NABP1: variants seen among roughly 807,000 people sequenced by gnomAD.
NABP1 encodes the protein SOSS complex subunit B2.
In NABP1, 18 loss-of-function variants were observed where a neutral mutation model predicts 25.0. The observed-to-expected ratio is 0.72, with a 90% confidence interval of 0.50 to 1.07. The LOEUF is 1.07. Among genes scored for constraint, NABP1 ranks in the 50% least tolerant of loss-of-function variants. NABP1 has a pLI of 0.00. For synonymous variants in NABP1, 71 were observed against 85.0 expected (o/e 0.84, Z 0.91); for missense variants, 270 against 255.6 (o/e 1.06, Z -0.39).
chr2:191,681,113 C>T (rs1349582678), intron 2 of NABP1, among the ~76,000 whole-genome samples: 1 of 152,006 alleles, frequency 6.6e-6, no homozygotes, highest in Non-Finnish European at 1.5e-5. Context: ...AATGTTAATG[C>T]ACTGTATCCT....
At position 191,686,392 on chromosome 2, in the gene NABP1, A is replaced by T. The variant is rs1454104990; in HGVS notation, c.*624A>T. ...CAACAAGTAATTTTAAAAGAAAGCT[A>T]CATTTATTTTAGAGTAGTGCTCCTA... On this transcript the variant is annotated 3_prime_UTR_variant, in exon 6 of 6. Coordinates refer to ENST00000425611, the MANE Select transcript of NABP1 (RefSeq NM_001031716.5). The T allele has an allele frequency of 2.6e-5, 4 of 152,230 alleles. No individual in the cohort carries two copies. Among genetic ancestry groups the T allele is most frequent in the South Asian group, 2.1e-4 (1 of 4,832 alleles). The allele number at this position is 152,230 out of a possible 1,614,324, so 9.4% of individuals were successfully genotyped here.
chr2:191,685,949 T>C lies in NABP1; in HGVS notation c.*181T>C, dbSNP rs1264010779. The stretch of plus-strand genomic sequence containing the variant: ...AAACTGTTAAGCTGCTCGAGTCTCC[T>C]GTTGAAGAATGGGAACACTGAAAAG... On this transcript the variant is annotated 3_prime_UTR_variant, in exon 6 of 6. Coordinates refer to ENST00000425611, the MANE Select transcript of NABP1 (RefSeq NM_001031716.5). The C allele has an allele frequency of 1.9e-6, 1 of 539,064 alleles. No homozygotes were observed. Among genetic ancestry groups the C allele is most frequent in the African/African-American group, 2.0e-5 (1 of 51,096 alleles). 33.4% of individuals were successfully genotyped at this position (539,064 alleles called of 1,614,324 possible).
rs1687748006 is a variant in NABP1 at position 191,683,874 on chromosome 2, C to A, written c.378+70C>A. ...GTTATAATTCTATGATTAGGCTAGC[C>A]CTGTTGATACTTAGTATAAAGAAGA... On this transcript the variant is annotated intron_variant, in intron 4 of 5. Transcript: ENST00000425611. This position sits in a 1 kb window ranked among gnomAD's most constrained non-coding sequence, Gnocchi z 4.1. 2 of 1,118,200 alleles carry A rather than the reference C, an allele frequency of 1.8e-6. No individual in the cohort carries two copies. The highest frequency in any genetic ancestry group is 2.6e-6 in the Non-Finnish European group (2 of 760,584). The allele number at this position is 1,118,200 out of a possible 1,614,324, so 69.3% of individuals were successfully genotyped here. A position where few individuals can be genotyped will look rare whatever the true frequency, so the allele number is the denominator to read the frequency against.
chr2:191,678,579 T>C lies in NABP1; in HGVS notation c.-36T>C. 1 of 1,521,702 alleles carries C rather than the reference T, an allele frequency of 6.6e-7. No individual in the cohort carries two copies. The highest frequency in any genetic ancestry group is 9.1e-7 in the Non-Finnish European group (1 of 1,103,064). The allele number at this position is 1,521,702 out of a possible 1,614,324, so 94.3% of individuals were successfully genotyped here. Reference sequence around the variant, plus strand: ...GAAGCTTTGACCCCGCCCTGCCCACTCGCGTCTCCGCAGCCGTAGCCGCGC... The same window carrying C: ...GAAGCTTTGACCCCGCCCTGCCCACCCGCGTCTCCGCAGCCGTAGCCGCGC... On this transcript the variant is annotated 5_prime_UTR_variant, in exon 1 of 6. Coordinates refer to ENST00000425611, the MANE Select transcript of NABP1 (RefSeq NM_001031716.5).
In NABP1 at chr2:191,678,433, T is replaced by C; in HGVS notation, c.-182T>C. On this transcript the variant is annotated 5_prime_UTR_variant, in exon 1 of 6. Transcript: ENST00000425611. Reference sequence around the variant, plus strand: ...TTTTTTTTTTTTTTTTTTTTCTTTTTTTAGGCTCAGTGCTGTCCGGGCTGG... The same window carrying C: ...TTTTTTTTTTTTTTTTTTTTCTTTTCTTAGGCTCAGTGCTGTCCGGGCTGG... 2.8e-6 allele frequency: 1 copy of C among 361,614 alleles called. No homozygotes were observed. Among genetic ancestry groups the C allele is most frequent in the East Asian group, 4.0e-5 (1 of 24,768 alleles). 22.4% of individuals were successfully genotyped at this position (361,614 alleles called of 1,614,324 possible). A position where few individuals can be genotyped will look rare whatever the true frequency, so the allele number is the denominator to read the frequency against.
chr2:191,678,915 C>T (rs1687585852), intron 1 of NABP1, 75 bp from the exon 2 acceptor site: 1 of 1,561,328 alleles, frequency 6.4e-7, no homozygotes, highest in East Asian at 2.4e-5. Context: ...TATTAAAATA[C>T]CGGAGGAGGA....
chr2:191,681,265 C>G (rs1558986022), intron 2 of NABP1, among the ~76,000 whole-genome samples: 1 of 152,002 alleles, frequency 6.6e-6, no homozygotes, highest in African/African-American at 2.4e-5. Flanking sequence ...AGAACCAAAC[C>G]TTGGATTGAT....
At chr2:191,678,754 C>A in intron 1 of NABP1, 49 bp downstream of exon 1, 1 of 1,544,168 alleles carries the variant, frequency 6.5e-7, no homozygotes, top group Non-Finnish European at 8.8e-7. Flanking sequence ...CCTCCCGGGG[C>A]GGGAGACAGG....
intron 2 of NABP1, among the ~76,000 whole-genome samples, chr2:191,681,346 A>G (rs542103112): frequency 6.6e-6 from 1 of 152,298 alleles, no homozygotes; most frequent in East Asian, 1.9e-4. Context: ...TCTGCTTTCA[A>G]AATTGTTCGG....
intron 3 of NABP1, 168 bp downstream of exon 3, chr2:191,682,185 T>G: frequency 4.2e-6 from 2 of 481,228 alleles, no homozygotes; most frequent in Non-Finnish European, 7.5e-6. Flanking sequence ...TTAACACTTG[T>G]CAGTACTGTT....
chr2:191,683,940 T>G lies in NABP1; in HGVS notation c.378+136T>G, dbSNP rs1687748849. ...TACTTAATTTTTATTGTATGTTTTG[T>G]GAGGATATGTATCTGAGGTGTCATC... On this transcript the variant is annotated intron_variant, in intron 4 of 5. Coordinates refer to ENST00000425611, the MANE Select transcript of NABP1 (RefSeq NM_001031716.5). The surrounding 1 kb of genome is among the most constrained non-coding windows in gnomAD (Gnocchi z 4.1). 1 of 763,462 alleles carries G rather than the reference T, an allele frequency of 1.3e-6. No homozygotes were observed. Among genetic ancestry groups the G allele is most frequent in the Non-Finnish European group, 2.1e-6 (1 of 475,248 alleles). The allele number at this position is 763,462 out of a possible 1,614,324, so 47.3% of individuals were successfully genotyped here. A position where few individuals can be genotyped will look rare whatever the true frequency, so the allele number is the denominator to read the frequency against.
rs1260014982 is a variant in NABP1 at position 191,678,397 on chromosome 2, G to A, written c.-218G>A. 2.7e-6 allele frequency: 1 copy of A among 372,638 alleles called. No homozygotes were observed. Among genetic ancestry groups the A allele is most frequent in the African/African-American group, 2.3e-5 (1 of 44,314 alleles). The allele number at this position is 372,638 out of a possible 1,614,324, so 23.1% of individuals were successfully genotyped here. A position where few individuals can be genotyped will look rare whatever the true frequency, so the allele number is the denominator to read the frequency against. On this transcript the variant is annotated 5_prime_UTR_variant, in exon 1 of 6. It adds an upstream start codon to the 5' untranslated region. Coordinates refer to ENST00000425611, the MANE Select transcript of NABP1 (RefSeq NM_001031716.5). ...GTTCGCCTTTTTTTCTTTAGAACTTGTGAGCCTTTTTTTTTTTTTTTTTTT... is the reference window on the plus strand; with the variant it reads ...GTTCGCCTTTTTTTCTTTAGAACTTATGAGCCTTTTTTTTTTTTTTTTTTT...
intron 4 of NABP1, 25 bp from the exon 5 acceptor site, chr2:191,684,205 G>T: frequency 2.9e-6 from 4 of 1,382,890 alleles, no homozygotes; most frequent in Non-Finnish European, 3.0e-6. Context: ...ATTCTCGTTT[G>T]GTTAAATTAA....
chr2:191,685,730 A>C lies in NABP1; in HGVS notation c.577A>C (p.Ser193Arg). 1.2e-6 allele frequency: 2 copies of C among 1,614,148 alleles called. No individual in the cohort carries two copies. Among genetic ancestry groups the C allele is most frequent in the South Asian group, 1.1e-5 (1 of 91,088 alleles). The change falls in exon 6 of 6, where the codon AGT (serine) becomes CGT (arginine). Residue 193 changes from serine (S) to arginine (R), a missense_variant. By Grantham distance (110) the Ser-to-Arg change is moderately radical. Coordinates refer to ENST00000425611, the MANE Select transcript of NABP1 (RefSeq NM_001031716.5). ...ASNQTVMTTI[S>R]NGRDPRRAFK... Reference sequence around the variant, plus strand: ...TAATCAAACAGTGATGACCACAATAAGTAATGGCAGGGACCCTCGGAGAGC... The same window carrying C: ...TAATCAAACAGTGATGACCACAATACGTAATGGCAGGGACCCTCGGAGAGC...
Position 191,685,754 on chromosome 2 carries a change from G to A in NABP1, c.601G>A (p.Ala201Thr). The change falls in exon 6 of 6, where the codon GCC (alanine) becomes ACC (threonine). Residue 201 changes from alanine to threonine, a missense_variant. Coordinates refer to ENST00000425611, the MANE Select transcript of NABP1 (RefSeq NM_001031716.5). The stretch of plus-strand genomic sequence containing the variant: ...AAGTAATGGCAGGGACCCTCGGAGA[G>A]CCTTTAAAAGATGACCTATGCTAAA... ...TISNGRDPRRAFKR is the reference protein window; with the variant it reads ...TISNGRDPRRTFKR The A allele has an allele frequency of 6.2e-7, 1 of 1,613,958 alleles. No individual in the cohort carries two copies. The highest frequency in any genetic ancestry group is 8.5e-7 in the Non-Finnish European group (1 of 1,179,924).
At chr2:191,682,955 T>A (rs564329398) in intron 3 of NABP1, 2 of 182,216 alleles carry the variant, frequency 1.1e-5, no homozygotes, top group East Asian at 3.3e-4. Context: ...TGAAAGGTCT[T>A]AGTGTCTGTT....
chr2:191,684,557 T>C (rs188716219), intron 5 of NABP1, among the ~76,000 whole-genome samples: 24 of 152,274 alleles, frequency 1.6e-4, no homozygotes, highest in Non-Finnish European at 3.2e-4. Context: ...ATTTCTATAA[T>C]CTAGTGATTA....
chr2:191,680,569 T>C (rs1687660409), intron 2 of NABP1, among the ~76,000 whole-genome samples: 1 of 152,210 alleles, frequency 6.6e-6, no homozygotes, highest in African/African-American at 2.4e-5. Context: ...TTTCACCCAA[T>C]GATTGAAAGT....
chr2:191,680,612 A>G (rs1687661896), intron 2 of NABP1, among the ~76,000 whole-genome samples: 1 of 152,212 alleles, frequency 6.6e-6, no homozygotes, highest in Non-Finnish European at 1.5e-5. Flanking sequence ...TCTTATTTCA[A>G]GTATTTCATG....
Sources: allele counts gnomAD v4.1 joint callset (sites outside exome capture counted in the v4.1 genomes callset), GRCh38; gene constraint gnomAD v4.1.1; non-coding constraint Gnocchi (gnomAD v3.1); transcripts MANE v1.5; gene names NCBI Gene and HGNC (gene_info 2026-07-23, HGNC 2026-07-21).